The following ZC3H7A variants were observed in gnomAD, a reference collection of about 807,000 sequenced individuals.
The protein encoded by ZC3H7A is zinc finger CCCH-type containing 7A.
ZC3H7A carries 44 observed loss-of-function variants against 125.5 expected under a neutral mutation model. The ratio of observed to expected loss-of-function variants is 0.35; its 90% CI spans 0.28 to 0.45. The LOEUF (loss-of-function observed/expected upper bound fraction) is 0.45, where lower values mean the gene tolerates loss of function less well. Ranked by LOEUF, ZC3H7A falls within the 20% of genes least tolerant of loss-of-function variation. ZC3H7A has a pLI of 1.00. For missense variants in ZC3H7A, 977 were observed against 1,170.7 expected (o/e 0.83, Z 2.41); for synonymous variants, 399 against 391.2 (o/e 1.02, Z -0.23).
chr16:11,759,256 C>T (rs542745352), intron 19 of ZC3H7A: 3 of 152,342 alleles, frequency 2.0e-5, no homozygotes, highest in African/African-American at 7.2e-5. Flanking sequence ...TTCTTGAATA[C>T]CATCAACCTA....
At chr16:11,777,746 G>T (rs530874467) in intron 4 of ZC3H7A, among the ~76,000 whole-genome samples, 3 of 148,466 alleles carry the variant, frequency 2.0e-5, no homozygotes, top group Non-Finnish European at 4.5e-5. Context: ...GTGGCCAGGC[G>T]TGGTGGCTCA....
chr16:11,784,690 A>T (rs2053227768), intron 1 of ZC3H7A, among the ~76,000 whole-genome samples: 1 of 152,106 alleles, frequency 6.6e-6, no homozygotes, highest in African/African-American at 2.4e-5. Flanking sequence ...CCCCACCTCT[A>T]CTGAAAATAC....
intron 20 of ZC3H7A, among the ~76,000 whole-genome samples, chr16:11,756,975 G>A (rs1157973644): frequency 1.6e-5 from 2 of 124,506 alleles, no homozygotes; most frequent in African/African-American, 6.8e-5. Flanking sequence ...GGTGTATTCT[G>A]CATTATTGCC....
Position 11,797,210 on chromosome 16 carries a change from G to A in ZC3H7A, c.-121C>T, listed in dbSNP as rs1308329737. 6.6e-6 allele frequency: 1 copy of A among 152,406 alleles called. No homozygotes were observed. The highest frequency in any genetic ancestry group is 1.4e-5 in the Non-Finnish European group (1 of 69,364). 9.4% of individuals were successfully genotyped at this position (152,406 alleles called of 1,614,324 possible). ...GCAGCGGTGGCGGCGGCGGCGGCGG[G>A]GCCTGGGTGCTCGCTCGCAGCTCTC... On this transcript the variant is annotated 5_prime_UTR_variant, in exon 1 of 23. Transcript: ENST00000355758.
intron 1 of ZC3H7A, among the ~76,000 whole-genome samples, chr16:11,788,988 C>T (rs1241947232): frequency 6.6e-6 from 1 of 152,108 alleles, no homozygotes; most frequent in African/African-American, 2.4e-5. Context: ...TGGGATAAAA[C>T]TGCATAATAC....
intron 15 of ZC3H7A, among the ~76,000 whole-genome samples, chr16:11,764,618 A>T (rs972694346): frequency 6.6e-6 from 1 of 152,164 alleles, no homozygotes; most frequent in Non-Finnish European, 1.5e-5. Flanking sequence ...GCTACTCGAG[A>T]GGCTGAGGCA....
At chr16:11,786,417 G>T (rs1332152229) in intron 1 of ZC3H7A, among the ~76,000 whole-genome samples, 1 of 151,994 alleles carries the variant, frequency 6.6e-6, no homozygotes, top group Non-Finnish European at 1.5e-5. Context: ...TTGGTTTGAG[G>T]TTGACTCAAA....
At chr16:11,788,411 C>T (rs779245119) in intron 1 of ZC3H7A, among the ~76,000 whole-genome samples, 4 of 152,184 alleles carry the variant, frequency 2.6e-5, no homozygotes, top group Non-Finnish European at 5.9e-5. Flanking sequence ...GACCCTCTGG[C>T]CTGTTTGACA....
intron 4 of ZC3H7A, among the ~76,000 whole-genome samples, chr16:11,777,646 A>G (rs2141202887): frequency 6.6e-6 from 1 of 152,116 alleles, no homozygotes; most frequent in South Asian, 2.1e-4. Flanking sequence ...ACTTGAACCC[A>G]GGAGACAGAG....
At chr16:11,752,206 C>T (rs970382753) in intron 22 of ZC3H7A, among the ~76,000 whole-genome samples, 2 of 152,082 alleles carry the variant, frequency 1.3e-5, no homozygotes, top group Admixed American at 6.6e-5. Context: ...TGCCCGGCTG[C>T]GTTGAAAAAT....
chr16:11,767,619 A>C, intron 12 of ZC3H7A, 41 bp from the exon 13 acceptor site: 1 of 1,475,214 alleles, frequency 6.8e-7, no homozygotes. Context: ...TGCACAAAAA[A>C]TATCATTTCA....
intron 1 of ZC3H7A, among the ~76,000 whole-genome samples, chr16:11,789,045 C>G (rs185697679): frequency 1.8e-3 from 271 of 152,258 alleles, no homozygotes; most frequent in Non-Finnish European, 2.6e-3. Context: ...CACACACACA[C>G]AAGTGCTGCT....
At chr16:11,763,964 C>T (rs1188265510) in intron 15 of ZC3H7A, among the ~76,000 whole-genome samples, 1 of 151,432 alleles carries the variant, frequency 6.6e-6, no homozygotes, top group Admixed American at 6.6e-5. Context: ...CCACCACGCC[C>T]AGCTAATTTT....
chr16:11,776,323 G>T lies in ZC3H7A; in HGVS notation c.582C>A (p.Thr194=). 6.2e-7 allele frequency: 1 copy of T among 1,606,028 alleles called. No homozygotes were observed. The highest frequency in any genetic ancestry group is 1.1e-5 in the South Asian group (1 of 88,162). ...SLKSVPGDGA[T]KALNHSVEDI... Reference sequence around the variant, plus strand: ...TTGACAGAAAAAATAACTTTACCTTGGTAGCCCCATCCCCAGGAACTGATT... The same window carrying T: ...TTGACAGAAAAAATAACTTTACCTTTGTAGCCCCATCCCCAGGAACTGATT... The change falls in exon 7 of 23, where the codon ACC becomes ACA. Residue 194 remains threonine (T), a synonymous_variant. Coordinates refer to ENST00000355758, the MANE Select transcript of ZC3H7A (RefSeq NM_014153.4).
At chr16:11,778,686 T>C (rs1324447349) in intron 4 of ZC3H7A, among the ~76,000 whole-genome samples, 1 of 152,032 alleles carries the variant, frequency 6.6e-6, no homozygotes, top group Non-Finnish European at 1.5e-5. Context: ...ATCCCTAACC[T>C]TCTGTCCAAA....
chr16:11,753,768 C>T (rs1344479825), intron 21 of ZC3H7A: 1 of 152,256 alleles, frequency 6.6e-6, no homozygotes, highest in Non-Finnish European at 1.5e-5. Context: ...CCTGCCTCAG[C>T]CTCCTAAGTA....
At chr16:11,757,785 A>G (rs964719132) in intron 20 of ZC3H7A, among the ~76,000 whole-genome samples, 3 of 152,208 alleles carry the variant, frequency 2.0e-5, no homozygotes, top group African/African-American at 4.8e-5. Flanking sequence ...CTGACGATCT[A>G]TGTGGTTGAA....
intron 22 of ZC3H7A, among the ~76,000 whole-genome samples, chr16:11,751,772 G>C (rs887771336): frequency 6.6e-6 from 1 of 152,094 alleles, no homozygotes; most frequent in Non-Finnish European, 1.5e-5. Flanking sequence ...AAAGAAATCA[G>C]AGGCGGCATC....
intron 15 of ZC3H7A, among the ~76,000 whole-genome samples, chr16:11,763,986 G>A (rs867897850): frequency 1.3e-5 from 2 of 151,062 alleles, no homozygotes; most frequent in East Asian, 2.0e-4. Flanking sequence ...AATAGAGACG[G>A]GGTTTCACCG....
Sources: gnomAD v4.1 joint callset for allele counts (sites outside exome capture counted in the v4.1 genomes callset) on GRCh38, gnomAD v4.1.1 for gene constraint, MANE v1.5 for transcripts, NCBI Gene and HGNC (gene_info 2026-07-23, HGNC 2026-07-21) for gene names.